Variants in ABCD3 observed in about 807,000 individuals in gnomAD.
ABCD3 encodes ATP-binding cassette sub-family D member 3.
ABCD3 carries 41 observed loss-of-function variants against 105.5 expected under a neutral mutation model. The ratio of observed to expected loss-of-function variants is 0.39; its 90% CI spans 0.30 to 0.50. ABCD3 has a LOEUF of 0.50. ABCD3 is among the 20% of genes least tolerant of loss of function. ABCD3 has a pLI of 0.84. For missense variants in ABCD3, 622 were observed against 806.3 expected, an observed-to-expected ratio of 0.77 and a Z score of 2.77; for synonymous variants, 258 against 269.0, an observed-to-expected ratio of 0.96 and a Z score of 0.40.
At chr1:94,448,900 A>G (rs1660461629) in intron 1 of ABCD3, among the ~76,000 whole-genome samples, 2 of 152,264 alleles carry the variant, frequency 1.3e-5, no homozygotes, top group African/African-American at 4.8e-5. Context: ...AACAGGGACT[A>G]CGGGACACCC....
At chr1:94,439,568 G>A (rs1660059144) in intron 1 of ABCD3, among the ~76,000 whole-genome samples, 1 of 152,166 alleles carries the variant, frequency 6.6e-6, no homozygotes, top group African/African-American at 2.4e-5. Context: ...GGGAGGTAGA[G>A]GTTGCAGTGA....
At chr1:94,391,545 C>T in the ABCD3 span, among the ~76,000 whole-genome samples, 8 of 152,166 alleles carry the variant, frequency 5.3e-5, no homozygotes, top group Admixed American at 2.0e-4. Flanking sequence ...CTAGGAATCT[C>T]AATTCCATGG....
intron 1 of ABCD3, among the ~76,000 whole-genome samples, chr1:94,446,520 A>G (rs569439579): frequency 1.3e-5 from 2 of 152,368 alleles, no homozygotes; most frequent in East Asian, 3.9e-4. Flanking sequence ...AGGAGAGCGC[A>G]TAGCACAGCT....
At chr1:94,463,180 C>A (rs547363638) in intron 2 of ABCD3, among the ~76,000 whole-genome samples, 2 of 152,170 alleles carry the variant, frequency 1.3e-5, no homozygotes, top group Admixed American at 1.3e-4. Flanking sequence ...GCAACTTTGT[C>A]TGAAAGACCT....
At chr1:94,434,437 T>C (rs1192284146) in intron 1 of ABCD3, among the ~76,000 whole-genome samples, 5 of 152,202 alleles carry the variant, frequency 3.3e-5, no homozygotes, top group Admixed American at 1.3e-4. Context: ...TTATTATTAT[T>C]ATCAAGCATT....
chr1:94,485,920 G>T (rs990322522), intron 10 of ABCD3, among the ~76,000 whole-genome samples: 4 of 152,062 alleles, frequency 2.6e-5, no homozygotes, highest in African/African-American at 9.7e-5. Context: ...AGCCAGTTGC[G>T]GTGGCTCACC....
intron 1 of ABCD3, among the ~76,000 whole-genome samples, chr1:94,440,961 G>T (rs1321908091): frequency 1.3e-5 from 2 of 152,262 alleles, no homozygotes; most frequent in East Asian, 3.9e-4. Flanking sequence ...GCGATAAAAT[G>T]AGATCTACAT....
intron 1 of ABCD3, among the ~76,000 whole-genome samples, chr1:94,427,972 C>A (rs973767199): frequency 4.0e-5 from 6 of 151,856 alleles, no homozygotes; most frequent in Admixed American, 1.3e-4. Context: ...GGATAAAATT[C>A]TTTGGATAAC....
chr1:94,506,698 A>T, intron 21 of ABCD3, 56 bp downstream of exon 21: 1 of 1,280,978 alleles, frequency 7.8e-7, no homozygotes, highest in African/African-American at 1.5e-5. Flanking sequence ...AGTGTAAACT[A>T]TGTCCAAATC....
rs1316127900 is a variant in ABCD3, at chr1:94,452,471, G to C, written c.111-6136G>C. On this transcript the variant is annotated intron_variant, in intron 1 of 22. Transcript: ENST00000370214. ...GAGCACAGAGTGTGCCTCGTGGCAG[G>C]AGATGAACCTGAAAAGAAGGCAGGA... 2.0e-5 allele frequency among the ~76,000 whole-genome samples: 3 copies of C among 152,022 alleles called. No homozygotes were observed. In the South Asian group the frequency reaches 6.2e-4, roughly 31 times the overall value.
chr1:94,487,756 C>T lies in ABCD3; in HGVS notation c.1030C>T (p.Arg344Ter). 3 of 1,613,898 alleles carry T rather than the reference C, an allele frequency of 1.9e-6. No homozygotes were observed. Among genetic ancestry groups the T allele is most frequent in the Non-Finnish European group, 2.5e-6 (3 of 1,179,926 alleles). The stretch of plus-strand genomic sequence containing the variant: ...CCCTTTCTTAGATTTGTCTCATCCT[C>T]GACATCTCAAGAGTACACATTCGGA... ...SRPFLDLSHP[R>*]HLKSTHSELL... The change falls in exon 12 of 23, where the codon CGA becomes TGA. Residue 344 changes from arginine (R) to a stop codon, truncating the protein, a stop_gained. Transcript: ENST00000370214. LOFTEE classifies it high-confidence loss of function.
At chr1:94,476,410 A>T (rs564160780) in intron 7 of ABCD3, among the ~76,000 whole-genome samples, 1 of 152,276 alleles carries the variant, frequency 6.6e-6, no homozygotes, top group South Asian at 2.1e-4. Context: ...TATGATATGT[A>T]GTAGGCACCT....
chr1:94,500,422 T>C (rs1271390902), intron 20 of ABCD3, among the ~76,000 whole-genome samples: 1 of 152,038 alleles, frequency 6.6e-6, no homozygotes, highest in Non-Finnish European at 1.5e-5. Flanking sequence ...GGCTGGGCGA[T>C]AGAAGGAGAT....
intron 16 of ABCD3, among the ~76,000 whole-genome samples, chr1:94,491,580 A>G (rs1203173243): frequency 6.6e-6 from 1 of 152,130 alleles, no homozygotes; most frequent in African/African-American, 2.4e-5. Flanking sequence ...AAAGAAACTT[A>G]TGGTGTGGCT....
the ABCD3 span, among the ~76,000 whole-genome samples, chr1:94,393,711 A>G: frequency 6.6e-6 from 1 of 152,188 alleles, no homozygotes; most frequent in African/African-American, 2.4e-5. Context: ...AGTCAAATTC[A>G]GTTGAATATA....
intron 1 of ABCD3, among the ~76,000 whole-genome samples, chr1:94,447,577 A>T (rs1660403882): frequency 6.6e-6 from 1 of 152,230 alleles, no homozygotes; most frequent in Non-Finnish European, 1.5e-5. Context: ...TGCCAGACTT[A>T]TGTAGAGCAA....
upstream of ABCD3, among the ~76,000 whole-genome samples, chr1:94,415,448 G>A (rs1047597679): frequency 6.6e-6 from 1 of 152,196 alleles, no homozygotes; most frequent in Non-Finnish European, 1.5e-5. Context: ...ATTATGAAGT[G>A]TGAACTTGCA....
chr1:94,475,309 A>C, intron 6 of ABCD3, 69 bp downstream of exon 6: 3 of 1,094,296 alleles, frequency 2.7e-6, no homozygotes, highest in Non-Finnish European at 4.0e-6. Flanking sequence ...TGATCAATAT[A>C]GCAGTTTTTC....
intron 1 of ABCD3, among the ~76,000 whole-genome samples, chr1:94,420,243 C>G (rs1218999535): frequency 6.6e-6 from 1 of 152,128 alleles, no homozygotes; most frequent in Non-Finnish European, 1.5e-5. Flanking sequence ...ATCAGCACCC[C>G]AGAAATTCTC....
Sources: allele counts gnomAD v4.1 joint callset (sites outside exome capture counted in the v4.1 genomes callset), GRCh38; gene constraint gnomAD v4.1.1; transcripts MANE v1.5; gene names NCBI Gene and HGNC (gene_info 2026-07-23, HGNC 2026-07-21).